SLC2A9: variants seen among roughly 807,000 people sequenced by gnomAD.
SLC2A9 encodes the protein solute carrier family 2 member 9.
SLC2A9 carries 39 observed loss-of-function variants against 50.6 expected under a neutral mutation model. That is an observed-to-expected ratio of 0.77 (90% CI 0.60 to 1.01). The LOEUF is 1.01. Among genes scored for constraint, SLC2A9 ranks in the 50% least tolerant of loss-of-function variants. SLC2A9 has a pLI of 0.00. For missense variants in SLC2A9, 686 were observed against 677.6 expected (o/e 1.01, Z -0.14); for synonymous variants, 324 against 276.9 (o/e 1.17, Z -1.69).
At chr4:10,018,339 G>A (rs1183981248) in intron 2 of SLC2A9, among the ~76,000 whole-genome samples, 1 of 152,184 alleles carries the variant, frequency 6.6e-6, no homozygotes, top group Non-Finnish European at 1.5e-5. Flanking sequence ...GAGGCTGGGA[G>A]TTCCAGACCA....
intron 3 of SLC2A9, chr4:9,781,717 C>A (rs1205339706): frequency 6.5e-6 from 2 of 307,124 alleles, no homozygotes; most frequent in Non-Finnish European, 1.2e-5. Context: ...CCAGACACAG[C>A]CGCTGCCGCT....
At chr4:9,794,273 G>C (rs1430196075), downstream of SLC2A9, among the ~76,000 whole-genome samples, 1 of 152,030 alleles carries the variant, frequency 6.6e-6, no homozygotes, top group Non-Finnish European at 1.5e-5. Flanking sequence ...TCCTGCCTCA[G>C]CCTCCCGCGT....
At chr4:9,775,721 T>A (rs941441502), downstream of SLC2A9, among the ~76,000 whole-genome samples, 2 of 152,118 alleles carry the variant, frequency 1.3e-5, no homozygotes, top group African/African-American at 4.8e-5. Context: ...GAGGCCTCCT[T>A]AGAAGCCAAG....
At chr4:9,912,334 A>C (rs1426561107) in intron 7 of SLC2A9, among the ~76,000 whole-genome samples, 1 of 152,160 alleles carries the variant, frequency 6.6e-6, no homozygotes, top group Non-Finnish European at 1.5e-5. Context: ...ACAGTGGCAC[A>C]TATGCCATGC....
intron 8 of SLC2A9, among the ~76,000 whole-genome samples, chr4:9,894,333 T>A (rs1234131093): frequency 6.6e-6 from 1 of 152,220 alleles, no homozygotes; most frequent in Non-Finnish European, 1.5e-5. Context: ...TAAATCTGTA[T>A]ATACTAAAAC....
chr4:10,021,582 C>A, upstream of SLC2A9: 1 of 1,166,590 alleles, frequency 8.6e-7, no homozygotes, highest in Non-Finnish European at 1.2e-6. Flanking sequence ...GGCAACGGGG[C>A]AACATTTTTT....
At chr4:9,974,700 C>T (rs773260381) in intron 5 of SLC2A9, among the ~76,000 whole-genome samples, 6 of 152,072 alleles carry the variant, frequency 3.9e-5, no homozygotes, top group South Asian at 2.1e-4. Flanking sequence ...ACAGATTCAA[C>T]ACTATTTCTA....
chr4:9,932,648 C>T (rs1327540536), intron 6 of SLC2A9, among the ~76,000 whole-genome samples: 3 of 152,174 alleles, frequency 2.0e-5, no homozygotes, highest in Admixed American at 6.5e-5. Context: ...AAAGAGCCTT[C>T]CAGGCGAAGG....
At chr4:10,006,024 C>T (rs541324807) in intron 2 of SLC2A9, among the ~76,000 whole-genome samples, 56 of 152,162 alleles carry the variant, frequency 3.7e-4, no homozygotes, top group African/African-American at 1.0e-3. Flanking sequence ...CAATAAAAAC[C>T]GGAAATTGGG....
At chr4:9,970,172 C>T (rs1464292245) in intron 5 of SLC2A9, among the ~76,000 whole-genome samples, 2 of 152,136 alleles carry the variant, frequency 1.3e-5, no homozygotes, top group Non-Finnish European at 2.9e-5. Context: ...ATGGCCTTGG[C>T]CCCACCCAGC....
chr4:9,852,473 C>T (rs1433814587), intron 10 of SLC2A9, among the ~76,000 whole-genome samples: 10 of 151,578 alleles, frequency 6.6e-5, no homozygotes, highest in East Asian at 1.9e-4. Flanking sequence ...AGGATGGTCT[C>T]GATCTCCTGA....
chr4:9,938,125 T>G (rs1747433336), intron 6 of SLC2A9, among the ~76,000 whole-genome samples: 1 of 152,248 alleles, frequency 6.6e-6, no homozygotes, highest in African/African-American at 2.4e-5. Context: ...TTTTCAGTTT[T>G]AAGCAGATAC....
At chr4:9,817,314 C>T (rs574491463) in intron 3 of SLC2A9, among the ~76,000 whole-genome samples, 1 of 152,334 alleles carries the variant, frequency 6.6e-6, no homozygotes, top group South Asian at 2.1e-4. Flanking sequence ...CATGATGCTG[C>T]CTGATATACT....
At chr4:9,816,174 C>CATAAATAAATAAATAAATAAATAA (rs34640947) in intron 3 of SLC2A9, among the ~76,000 whole-genome samples, 60 of 149,054 alleles carry the variant, frequency 4.0e-4, no homozygotes, top group African/African-American at 1.5e-3. Context: ...TGTCTCAAAA[C>CATAAATAAATAAATAAATAAATAA]ATAAATAAAT....
chr4:9,880,609 T>G (rs1041692558), intron 10 of SLC2A9: 5 of 974,716 alleles, frequency 5.1e-6, no homozygotes, highest in Non-Finnish European at 6.1e-6. Flanking sequence ...CAGGCAGATA[T>G]GCAGATGAGT....
At chr4:9,800,692 C>T (rs895359851) in intron 3 of SLC2A9, among the ~76,000 whole-genome samples, 1 of 152,128 alleles carries the variant, frequency 6.6e-6, no homozygotes, top group African/African-American at 2.4e-5. Context: ...AATAACAATA[C>T]ATCAATAAAA....
downstream of SLC2A9, among the ~76,000 whole-genome samples, chr4:9,776,537 A>G (rs1323175688): frequency 6.6e-6 from 1 of 152,142 alleles, no homozygotes; most frequent in African/African-American, 2.4e-5. Context: ...GAGTGCTTTG[A>G]AATGCTGCCT....
intron 3 of SLC2A9, among the ~76,000 whole-genome samples, chr4:9,819,200 A>T (rs1255100431): frequency 6.6e-6 from 1 of 151,882 alleles, no homozygotes; most frequent in African/African-American, 2.4e-5. Flanking sequence ...AATATGGCTA[A>T]GATGTTTTCT....
intron 10 of SLC2A9, among the ~76,000 whole-genome samples, chr4:9,846,211 T>C (rs929016725): frequency 6.6e-6 from 1 of 152,168 alleles, no homozygotes; most frequent in African/African-American, 2.4e-5. Context: ...ATTTGAGAAT[T>C]TGAAAATGCA....
Sources: gnomAD v4.1 joint callset for allele counts (sites outside exome capture counted in the v4.1 genomes callset) on GRCh38, gnomAD v4.1.1 for gene constraint, MANE v1.5 for transcripts, NCBI Gene and HGNC (gene_info 2026-07-23, HGNC 2026-07-21) for gene names.